STK32B: variants seen among roughly 807,000 people sequenced by gnomAD.
The protein encoded by STK32B is serine/threonine-protein kinase 32B.
A neutral mutation model predicts 52.6 loss-of-function variants in STK32B; 43 were observed. The ratio of observed to expected loss-of-function variants is 0.82; its 90% confidence interval spans 0.64 to 1.05. STK32B has a LOEUF of 1.05. STK32B is among the 50% of genes least tolerant of loss of function. The pLI is 0.00. For missense variants in STK32B, 621 were observed against 534.6 expected, an observed-to-expected ratio of 1.16 and a Z score of -1.59; for synonymous variants, 238 against 204.3, an observed-to-expected ratio of 1.17 and a Z score of -1.41.
intron 4 of STK32B, among the ~76,000 whole-genome samples, chr4:5,367,829 CTT>C (rs1734974555): frequency 2.0e-5 from 3 of 152,156 alleles, no homozygotes; most frequent in Non-Finnish European, 4.4e-5. Flanking sequence ...TTCCAGAAAA[CTT>C]TAATAATTAC....
intron 3 of STK32B, among the ~76,000 whole-genome samples, chr4:5,237,346 C>T (rs539996336): frequency 4.3e-4 from 65 of 152,218 alleles, no homozygotes; most frequent in African/African-American, 1.5e-3. Flanking sequence ...CAGATGAGGG[C>T]TTGGATGCGA....
chr4:5,098,081 G>A (rs1433655078), intron 1 of STK32B, among the ~76,000 whole-genome samples: 1 of 152,198 alleles, frequency 6.6e-6, no homozygotes, highest in Non-Finnish European at 1.5e-5. Context: ...AGGGTTCCAA[G>A]AAACATCACT....
At chr4:5,111,926 T>C (rs1714427743) in intron 1 of STK32B, among the ~76,000 whole-genome samples, 1 of 151,962 alleles carries the variant, frequency 6.6e-6, no homozygotes, top group African/African-American at 2.4e-5. Context: ...AAGCAGCAAA[T>C]AAAGGAGATT....
chr4:5,316,216 TA>T (rs1730691720), intron 3 of STK32B, among the ~76,000 whole-genome samples: 1 of 79,192 alleles, frequency 1.3e-5, no homozygotes, highest in Non-Finnish European at 2.0e-5. Context: ...ATATATTACA[TA>T]ATATATTATA....
the STK32B span, among the ~76,000 whole-genome samples, chr4:5,028,987 T>A: frequency 6.6e-6 from 1 of 152,150 alleles, no homozygotes; most frequent in African/African-American, 2.4e-5. Context: ...GTGCCACACA[T>A]TTTTAAACAA....
intron 6 of STK32B, among the ~76,000 whole-genome samples, chr4:5,444,423 G>T (rs943151791): frequency 4.6e-5 from 7 of 152,174 alleles, no homozygotes; most frequent in African/African-American, 1.7e-4. Context: ...GACCCCTTGC[G>T]CTTCCCAAGT....
At chr4:5,244,138 A>G (rs1320513334) in intron 3 of STK32B, among the ~76,000 whole-genome samples, 2 of 152,182 alleles carry the variant, frequency 1.3e-5, no homozygotes, top group Non-Finnish European at 2.9e-5. Context: ...TGATTGGAAT[A>G]GTTTCAGAAG....
chr4:5,440,113 T>G (rs1016756920), intron 6 of STK32B, among the ~76,000 whole-genome samples: 12 of 152,142 alleles, frequency 7.9e-5, no homozygotes, highest in African/African-American at 1.4e-4. Flanking sequence ...ATATGAACTT[T>G]AAAGTAGTTT....
At chr4:5,408,042 T>C (rs974161640) in intron 5 of STK32B, among the ~76,000 whole-genome samples, 3 of 152,060 alleles carry the variant, frequency 2.0e-5, no homozygotes, top group Non-Finnish European at 2.9e-5. Flanking sequence ...AGACACCAAA[T>C]CTGTCAGGGC....
intron 3 of STK32B, among the ~76,000 whole-genome samples, chr4:5,188,294 A>C (rs1235031762): frequency 2.6e-5 from 4 of 152,216 alleles, no homozygotes. Flanking sequence ...AGCCGCAGAA[A>C]TAGCATTCGC....
chr4:5,074,552 TC>T (rs1711968278), intron 1 of STK32B, among the ~76,000 whole-genome samples: 1 of 152,088 alleles, frequency 6.6e-6, no homozygotes, highest in Non-Finnish European at 1.5e-5. Flanking sequence ...TCTTTACATA[TC>T]TAGTATTTTT....
intron 4 of STK32B, among the ~76,000 whole-genome samples, chr4:5,373,592 C>T (rs1735391572): frequency 6.6e-6 from 1 of 152,210 alleles, no homozygotes; most frequent in South Asian, 2.1e-4. Flanking sequence ...TTATGAATCT[C>T]ATCCAAACAC....
At chr4:5,146,330 G>T (rs868677692) in intron 2 of STK32B, among the ~76,000 whole-genome samples, 1 of 152,110 alleles carries the variant, frequency 6.6e-6, no homozygotes, top group Admixed American at 6.5e-5. Flanking sequence ...GTCTGTGACC[G>T]AAAGCCTGAG....
intron 4 of STK32B, among the ~76,000 whole-genome samples, chr4:5,345,606 G>A (rs966518042): frequency 3.9e-5 from 6 of 152,216 alleles, no homozygotes; most frequent in Non-Finnish European, 8.8e-5. Flanking sequence ...AGTCCTATCA[G>A]TAGTCCCATT....
At chr4:5,149,425 G>T (rs1163566423) in intron 2 of STK32B, among the ~76,000 whole-genome samples, 2 of 151,618 alleles carry the variant, frequency 1.3e-5, no homozygotes, top group African/African-American at 2.4e-5. Context: ...TTCCTGTAGT[G>T]CTGTGGATTA....
chr4:5,309,159 T>A (rs1730122651), intron 3 of STK32B, among the ~76,000 whole-genome samples: 1 of 151,726 alleles, frequency 6.6e-6, no homozygotes, highest in Admixed American at 6.6e-5. Flanking sequence ...AGCTACAAAA[T>A]AATACATATA....
chr4:5,231,348 C>T (rs1429579257), intron 3 of STK32B, among the ~76,000 whole-genome samples: 1 of 152,200 alleles, frequency 6.6e-6, no homozygotes, highest in Non-Finnish European at 1.5e-5. Context: ...CAGTGGCTCA[C>T]ACCTATAATC....
chr4:5,455,672 G>A (rs985423720), intron 7 of STK32B, among the ~76,000 whole-genome samples: 4 of 152,222 alleles, frequency 2.6e-5, no homozygotes, highest in Non-Finnish European at 2.9e-5. Flanking sequence ...CAGGGTCAGC[G>A]TTCGCTCAGC....
chr4:5,366,310 G>A (rs1003062906), intron 4 of STK32B, among the ~76,000 whole-genome samples: 2 of 151,740 alleles, frequency 1.3e-5, no homozygotes, highest in African/African-American at 4.8e-5. Flanking sequence ...AGTTCATTCT[G>A]TTTGCTCGCA....
Sources: gnomAD v4.1 joint callset for allele counts (sites outside exome capture counted in the v4.1 genomes callset) on GRCh38, gnomAD v4.1.1 for gene constraint, MANE v1.5 for transcripts, NCBI Gene and HGNC (gene_info 2026-07-23, HGNC 2026-07-21) for gene names.